Variants in EPB41L1 observed in about 807,000 individuals in gnomAD.
The protein encoded by EPB41L1 is erythrocyte membrane protein band 4.1 like 1.
Under a neutral mutation model 97.8 loss-of-function variants are expected in EPB41L1, and 29 were observed. The ratio of observed to expected loss-of-function variants is 0.30; its 90% CI spans 0.22 to 0.40. The LOEUF is 0.40. EPB41L1 is among the 10% of genes least tolerant of loss of function. EPB41L1 has a pLI of 1.00. For missense variants in EPB41L1, 812 were observed against 1,162.3 expected, an observed-to-expected ratio of 0.70 and a Z score of 4.38; for synonymous variants, 383 against 459.2, an observed-to-expected ratio of 0.83 and a Z score of 2.12.
chr20:36,147,663 G>A (rs1308389539), intron 2 of EPB41L1, among the ~76,000 whole-genome samples: 1 of 152,224 alleles, frequency 6.6e-6, no homozygotes, highest in Non-Finnish European at 1.5e-5. Context: ...TGGGGACTCA[G>A]ATGCTCTCTG....
intron 1 of EPB41L1, among the ~76,000 whole-genome samples, chr20:36,102,687 C>G (rs2058057858): frequency 6.6e-6 from 1 of 152,218 alleles, no homozygotes; most frequent in South Asian, 2.1e-4. Flanking sequence ...GGACCTCCCA[C>G]TTTTGCATCT....
intron 17 of EPB41L1, among the ~76,000 whole-genome samples, chr20:36,218,046 A>G (rs2063546867): frequency 6.6e-6 from 1 of 152,190 alleles, no homozygotes; most frequent in African/African-American, 2.4e-5. Flanking sequence ...GGACAATTCC[A>G]GGAAGATCTA....
rs766975752 is a variant in EPB41L1 at position 36,173,860 on chromosome 20, T to C, written c.83T>C (p.Val28Ala). Reference sequence around the variant, plus strand: ...CAGCAGCCCGAGGCTGCTGCCGCTGTGACCACCCCTGTGACCCCTGCAGGC... The same window carrying C: ...CAGCAGCCCGAGGCTGCTGCCGCTGCGACCACCCCTGTGACCCCTGCAGGC... ...APQQPEAAAA[V>A]TTPVTPAGHG... is the part of the protein sequence containing the mutation. The change falls in exon 2 of 22, where the codon GTG (valine) becomes GCG (alanine). Residue 28 changes from valine (V) to alanine (A), a missense_variant. Coordinates refer to ENST00000338074, the MANE Select transcript of EPB41L1 (RefSeq NM_012156.2). 13 of 1,613,872 alleles carry C rather than the reference T, an allele frequency of 8.1e-6. No homozygotes were observed. Among genetic ancestry groups the C allele is most frequent in the Middle Eastern group, 1.6e-4 (1 of 6,084 alleles).
rs6060819 is a variant in EPB41L1 at position 36,142,334 on chromosome 20, A to T, written c.-10+29854A>T. On this transcript the variant is annotated intron_variant, in intron 2 of 19. Transcript: ENST00000202028. ...ACGTAGCCACTATTATTGGACATAT[A>T]TATTAACTCCAATGCTCTACTTTAC... Among the ~76,000 whole-genome samples the T allele has an allele frequency of 3.1e-3, 476 of 152,306 alleles. 7 individuals are homozygous for T. The highest frequency in any genetic ancestry group is 0.011 in the African/African-American group (449 of 41,570).
At chr20:36,197,060 T>C (rs1200720557) in intron 13 of EPB41L1, among the ~76,000 whole-genome samples, 1 of 152,120 alleles carries the variant, frequency 6.6e-6, no homozygotes, top group Non-Finnish European at 1.5e-5. Context: ...CTCCACAGCA[T>C]TCTAGTTTCT....
intron 2 of EPB41L1, among the ~76,000 whole-genome samples, chr20:36,144,476 A>G (rs1369773950): frequency 6.6e-6 from 1 of 152,190 alleles, no homozygotes; most frequent in Non-Finnish European, 1.5e-5. Context: ...TCCCACTCCC[A>G]GGGGAAAACC....
At chr20:36,198,760 G>C (rs1380053746) in intron 14 of EPB41L1, among the ~76,000 whole-genome samples, 2 of 152,176 alleles carry the variant, frequency 1.3e-5, no homozygotes, top group African/African-American at 4.8e-5. Flanking sequence ...TTATACTTAG[G>C]TGTTTTCTCC....
At chr20:36,158,268 A>C (rs2060391640) in intron 1 of EPB41L1, among the ~76,000 whole-genome samples, 1 of 152,160 alleles carries the variant, frequency 6.6e-6, no homozygotes, top group Non-Finnish European at 1.5e-5. Flanking sequence ...ACTCAGTCAG[A>C]TGCATCCCTC....
chr20:36,101,253 C>A (rs570761301), intron 1 of EPB41L1, among the ~76,000 whole-genome samples: 8 of 152,048 alleles, frequency 5.3e-5, no homozygotes, highest in Non-Finnish European at 1.2e-4. Context: ...AAGGAGCTGG[C>A]CTGAGGGCCA....
intron 1 of EPB41L1, chr20:36,091,902 A>T (rs1410662576): frequency 6.6e-6 from 1 of 152,216 alleles, no homozygotes; most frequent in South Asian, 2.1e-4. Context: ...TCCTAGCCTC[A>T]GTGTGTACTC....
rs1056354049 is a variant in EPB41L1 at position 36,141,652 on chromosome 20, T to C, written c.-10+29172T>C. Among the ~76,000 whole-genome samples, 19 of 152,268 alleles carry C rather than the reference T, an allele frequency of 1.2e-4. 1 individual carries two copies. The highest frequency in any genetic ancestry group is 3.4e-4 in the African/African-American group (14 of 41,468). ...AGGTGAAGGTAACAGACCTTTCTTA[T>C]ATAAATATGTTTACACATATATACC... On this transcript the variant is annotated intron_variant, in intron 2 of 19. Transcript: ENST00000202028.
At chr20:36,226,835 A>G (rs1366990661) in intron 21 of EPB41L1, among the ~76,000 whole-genome samples, 3 of 152,210 alleles carry the variant, frequency 2.0e-5, no homozygotes, top group Non-Finnish European at 2.9e-5. Flanking sequence ...AAGACATCCC[A>G]CATACCCAGA....
At chr20:36,213,573 C>T (rs1281411425) in intron 16 of EPB41L1, among the ~76,000 whole-genome samples, 1 of 152,100 alleles carries the variant, frequency 6.6e-6, no homozygotes, top group East Asian at 1.9e-4. Context: ...AAGCTGCTTC[C>T]CCCACTGACC....
At chr20:36,163,830 C>T (rs1236205736) in intron 1 of EPB41L1, among the ~76,000 whole-genome samples, 1 of 151,898 alleles carries the variant, frequency 6.6e-6, no homozygotes, top group Admixed American at 6.6e-5. Flanking sequence ...CTCTCTCCTT[C>T]CACCTTCTGA....
intron 1 of EPB41L1, among the ~76,000 whole-genome samples, chr20:36,106,031 G>T (rs1356176588): frequency 1.3e-5 from 2 of 152,176 alleles, no homozygotes; most frequent in Non-Finnish European, 2.9e-5. Flanking sequence ...TCTGGCCTTA[G>T]TCCAAGGGCC....
intron 2 of EPB41L1, among the ~76,000 whole-genome samples, chr20:36,116,776 G>T (rs1297604580): frequency 6.6e-6 from 1 of 152,172 alleles, no homozygotes; most frequent in Non-Finnish European, 1.5e-5. Context: ...TTTGTCAGAA[G>T]TTGGATAATG....
chr20:36,124,126 G>A (rs2058863100), intron 2 of EPB41L1, among the ~76,000 whole-genome samples: 1 of 152,002 alleles, frequency 6.6e-6, no homozygotes, highest in Non-Finnish European at 1.5e-5. Flanking sequence ...GTGGTGGTGG[G>A]CGCCTGTAGT....
At position 36,129,897 on chromosome 20, in the gene EPB41L1, C is replaced by T. The variant is rs940801300; in HGVS notation, c.-10+17417C>T. ...CTCCTACTTCAGCCTCCAGAGTAGC[C>T]GGGATTACAGAGTGTGCCACTGCAC... On this transcript the variant is annotated intron_variant, in intron 2 of 19. Coordinates refer to the EPB41L1 transcript ENST00000202028. Among the ~76,000 whole-genome samples the T allele has an allele frequency of 7.9e-5, 12 of 151,276 alleles. No individual in the cohort carries two copies. In the East Asian group the frequency reaches 1.8e-3, roughly 22 times the overall value.
chr20:36,172,914 A>C (rs551194158), intron 1 of EPB41L1, among the ~76,000 whole-genome samples: 1 of 152,162 alleles, frequency 6.6e-6, no homozygotes, highest in African/African-American at 2.4e-5. Context: ...TTGTTTTTCA[A>C]ATATAAAAAT....
Sources: gnomAD v4.1 joint callset for allele counts (sites outside exome capture counted in the v4.1 genomes callset) on GRCh38, gnomAD v4.1.1 for gene constraint, MANE v1.5 for transcripts, NCBI Gene and HGNC (gene_info 2026-07-23, HGNC 2026-07-21) for gene names.